The following PARVB variants were observed in gnomAD, a reference collection of about 807,000 sequenced individuals.
PARVB encodes the protein parvin beta.
A neutral mutation model predicts 47.0 loss-of-function variants in PARVB; 46 were observed. The ratio of observed to expected loss-of-function variants is 0.98; its 90% CI spans 0.77 to 1.25. The LOEUF is 1.25. PARVB is among the 50% of genes most tolerant of loss of function. The probability of loss-of-function intolerance (pLI) is 0.00; values close to 1 mark genes in which losing one functional copy is unlikely to be tolerated. For missense variants in PARVB, 473 were observed against 471.6 expected, an observed-to-expected ratio of 1.00 and a Z score of -0.03; for synonymous variants, 196 against 196.3, an observed-to-expected ratio of 1.00 and a Z score of 0.01.
intron 1 of PARVB, among the ~76,000 whole-genome samples, chr22:44,033,836 C>T (rs986660289): frequency 3.3e-5 from 5 of 152,130 alleles, no homozygotes; most frequent in Non-Finnish European, 7.3e-5. Flanking sequence ...GCGTACGTTG[C>T]TTGCTCAAAT....
chr22:44,104,102 G>A (rs1044979149), intron 3 of PARVB: 2 of 152,226 alleles, frequency 1.3e-5, no homozygotes, highest in Non-Finnish European at 2.9e-5. Flanking sequence ...GGCCAGGCAG[G>A]GTGGGTTTTG....
chr22:44,154,280 G>A (rs1447722356), intron 10 of PARVB, among the ~76,000 whole-genome samples: 1 of 152,186 alleles, frequency 6.6e-6, no homozygotes. Context: ...AGAAAAGGTC[G>A]CTGGTTACAG....
intron 4 of PARVB, among the ~76,000 whole-genome samples, chr22:44,130,973 G>T (rs1172400714): frequency 6.8e-6 from 1 of 146,790 alleles, no homozygotes; most frequent in Non-Finnish European, 1.5e-5. Context: ...CCCCGCTTCG[G>T]GGACCTCCTT....
intron 10 of PARVB, chr22:44,151,843 C>T: frequency 2.8e-6 from 1 of 351,272 alleles, no homozygotes; most frequent in Non-Finnish European, 5.4e-6. Context: ...GGTGGGTTCC[C>T]TCCAAGGCTG....
intron 10 of PARVB, among the ~76,000 whole-genome samples, chr22:44,156,766 G>A (rs1324440393): frequency 6.6e-6 from 1 of 152,100 alleles, no homozygotes; most frequent in East Asian, 1.9e-4. Context: ...TAGCATAAGC[G>A]AGACACAAAA....
rs182719869 is a variant in PARVB, at chr22:44,126,737, A to G, written c.377-4750A>G. Reference sequence around the variant, plus strand: ...TATTTTCTAATATTTTCAGAAGCAAACTTGAGTGTTTTGTTCACTTTCATT... The same window carrying G: ...TATTTTCTAATATTTTCAGAAGCAAGCTTGAGTGTTTTGTTCACTTTCATT... On this transcript the variant is annotated intron_variant, in intron 4 of 12. Coordinates refer to ENST00000338758, the MANE Select transcript of PARVB (RefSeq NM_013327.5). Among the ~76,000 whole-genome samples the G allele has an allele frequency of 5.9e-3, 892 of 152,146 alleles. 7 individuals are homozygous for G. Among genetic ancestry groups the G allele is most frequent in the African/African-American group, 0.021 (858 of 41,506 alleles).
At chr22:44,040,471 G>A (rs546380971) in intron 1 of PARVB, among the ~76,000 whole-genome samples, 7 of 152,260 alleles carry the variant, frequency 4.6e-5, no homozygotes, top group East Asian at 3.9e-4. Flanking sequence ...TGGGCCCAGC[G>A]TGATTACCAG....
intron 2 of PARVB, chr22:43,999,729 C>T: frequency 7.9e-7 from 1 of 1,264,220 alleles, no homozygotes; most frequent in South Asian, 1.2e-5. Flanking sequence ...TGCAGTGGCT[C>T]ATGCCTGTAA....
intron 7 of PARVB, among the ~76,000 whole-genome samples, chr22:44,138,270 G>A (rs961501856): frequency 3.9e-5 from 6 of 152,138 alleles, no homozygotes; most frequent in African/African-American, 9.7e-5. Context: ...GAAGTGCCTC[G>A]GGGCCCTAAG....
In PARVB at chr22:44,163,866, T is replaced by C. The variant is rs1325021699; in HGVS notation, c.954T>C (p.Asn318=). 1.9e-6 allele frequency: 3 copies of C among 1,608,508 alleles called. No individual in the cohort carries two copies. The highest frequency in any genetic ancestry group is 2.5e-6 in the Non-Finnish European group (3 of 1,177,472). ...CCCCCCTTCCTTGGCAGGTCCACAATGTGTCCTTCGCCTTTGAGCTGATGC... is the reference window on the plus strand; with the variant it reads ...CCCCCCTTCCTTGGCAGGTCCACAACGTGTCCTTCGCCTTTGAGCTGATGC... The part of the protein sequence containing the change: ...TPESFDQKVH[N]VSFAFELMLD... Residue 318 remains asparagine, a synonymous_variant, in exon 12 of 13, where the codon AAT becomes AAC. Coordinates refer to ENST00000338758, the MANE Select transcript of PARVB (RefSeq NM_013327.5).
At position 44,103,626 on chromosome 22, in the gene PARVB, A is replaced by T. The variant is rs1186124745; in HGVS notation, c.273+3503A>T. 6.6e-6 allele frequency: 1 copy of T among 152,162 alleles called. No individual in the cohort carries two copies. The highest frequency in any genetic ancestry group is 1.5e-5 in the Non-Finnish European group (1 of 68,048). The allele number at this position is 152,162 out of a possible 1,614,324, so 9.4% of individuals were successfully genotyped here. A position where few individuals can be genotyped will look rare whatever the true frequency, so the allele number is the denominator to read the frequency against. On this transcript the variant is annotated intron_variant, in intron 3 of 12. Coordinates refer to ENST00000338758, the MANE Select transcript of PARVB (RefSeq NM_013327.5). This position sits in a 1 kb window ranked among gnomAD's most constrained non-coding sequence, Gnocchi z 4.6. ...AGGGACATGGTGGGTGTAGTTAGTGACCTTGCAATGAGGAGGTCATCCTGG... is the reference window on the plus strand; with the variant it reads ...AGGGACATGGTGGGTGTAGTTAGTGTCCTTGCAATGAGGAGGTCATCCTGG...
intron 2 of PARVB, among the ~76,000 whole-genome samples, chr22:44,016,297 C>A (rs371261786): frequency 4.6e-5 from 7 of 151,874 alleles, no homozygotes; most frequent in African/African-American, 1.2e-4. Context: ...GGGGTTTCAC[C>A]GTGTTAGCCA....
chr22:44,163,780 C>A, intron 11 of PARVB, 78 bp from the exon 12 acceptor site: 1 of 1,250,078 alleles, frequency 8.0e-7, no homozygotes, highest in Non-Finnish European at 1.1e-6. Flanking sequence ...CTGTCCATGC[C>A]GGCTGTCCTC....
chr22:44,056,353 G>T (rs2051311481), intron 1 of PARVB, among the ~76,000 whole-genome samples: 1 of 152,226 alleles, frequency 6.6e-6, no homozygotes, highest in East Asian at 1.9e-4. Context: ...CAGGGAGCAG[G>T]TGGGTGAAGG....
chr22:43,999,732 G>A (rs1460838397), intron 2 of PARVB: 2 of 1,211,866 alleles, frequency 1.7e-6, no homozygotes, highest in East Asian at 2.5e-5. Flanking sequence ...AGTGGCTCAT[G>A]CCTGTAACCC....
chr22:44,154,940 TGTG>T (rs1473759863), intron 10 of PARVB, among the ~76,000 whole-genome samples: 2 of 61,394 alleles, frequency 3.3e-5, no homozygotes, highest in Non-Finnish European at 7.1e-5. Flanking sequence ...TGTGGTGTGA[TGTG>T]TGTGTGTGTG....
At chr22:44,055,909 G>C (rs892293493) in intron 1 of PARVB, among the ~76,000 whole-genome samples, 1 of 152,132 alleles carries the variant, frequency 6.6e-6, no homozygotes, top group African/African-American at 2.4e-5. Flanking sequence ...AGGGCCATCT[G>C]TTGTACCCAG....
At chr22:44,062,192 C>T (rs12167715) in intron 1 of PARVB, among the ~76,000 whole-genome samples, 48,861 of 151,984 alleles carry the variant, frequency 0.32, 8,611 homozygotes, top group East Asian at 0.75. Context: ...CAGACACCAG[C>T]TGGGTGTCCT....
chr22:44,172,908 T>G lies in PARVB; in HGVS notation c.*4230T>G, dbSNP rs2054282498. On this transcript the variant is annotated 3_prime_UTR_variant, in exon 13 of 13. Coordinates refer to ENST00000338758, the MANE Select transcript of PARVB (RefSeq NM_013327.5). ...AATGCCACGTGGCGTCACAGTATGC[T>G]GTTATTTATTCCAATAAAGACCTCG... is the stretch of plus-strand genomic sequence containing the variant. 8.8e-7 allele frequency: 1 copy of G among 1,131,730 alleles called. No individual in the cohort carries two copies. The highest frequency in any genetic ancestry group is 1.6e-5 in the African/African-American group (1 of 62,342). 70.1% of individuals were successfully genotyped at this position (1,131,730 alleles called of 1,614,324 possible).
Sources: allele counts gnomAD v4.1 joint callset (sites outside exome capture counted in the v4.1 genomes callset), GRCh38; gene constraint gnomAD v4.1.1; non-coding constraint Gnocchi (gnomAD v3.1); transcripts MANE v1.5; gene names NCBI Gene and HGNC (gene_info 2026-07-23, HGNC 2026-07-21).